PREX2: variants seen among roughly 807,000 people sequenced by gnomAD.
The protein encoded by PREX2 is phosphatidylinositol-3,4,5-trisphosphate dependent Rac exchange factor 2.
Under a neutral mutation model 203.2 loss-of-function variants are expected in PREX2, and 107 were observed. The observed-to-expected ratio is 0.53, with a 90% CI of 0.45 to 0.62. The LOEUF is 0.62. PREX2 is among the 20% of genes least tolerant of loss of function. The pLI, the probability that PREX2 is intolerant of heterozygous loss-of-function variation, is 0.00. For synonymous variants in PREX2, 672 were observed against 663.6 expected (o/e 1.01, Z -0.19); for missense variants, 1,777 against 1,955.9 (o/e 0.91, Z 1.72).
Position 68,069,899 on chromosome 8 carries a change from T to C in PREX2, c.1493+15T>C. The C allele has an allele frequency of 6.8e-7, 1 of 1,475,584 alleles. No individual in the cohort carries two copies. Among genetic ancestry groups the C allele is most frequent in the East Asian group, 2.3e-5 (1 of 43,042 alleles). 91.4% of individuals were successfully genotyped at this position (1,475,584 alleles called of 1,614,324 possible). ...CCAGTGATAAGGTGAGTCTGGTTTT[T>C]AAGTTCTGGGAAACTTAAATGGAAA... is the stretch of plus-strand genomic sequence containing the variant. On this transcript the variant is annotated intron_variant, in intron 13 of 39. Coordinates refer to ENST00000288368, the MANE Select transcript of PREX2 (RefSeq NM_024870.4).
intron 4 of PREX2, among the ~76,000 whole-genome samples, chr8:68,023,185 A>G (rs7001222): frequency 0.16 from 24,479 of 152,136 alleles, 2,415 homozygotes; most frequent in African/African-American, 0.26. Context: ...ATAAGCTCAT[A>G]TTTAACTAAT....
chr8:68,125,991 G>T (rs1810878379), intron 30 of PREX2, among the ~76,000 whole-genome samples: 1 of 152,000 alleles, frequency 6.6e-6, no homozygotes, highest in Non-Finnish European at 1.5e-5. Context: ...GAGTCTTGCG[G>T]TGATTTTCTA....
intron 8 of PREX2, among the ~76,000 whole-genome samples, chr8:68,047,480 T>TATATATATATATATATATATACAC (rs1563516882): frequency 3.2e-5 from 2 of 62,740 alleles, no homozygotes; most frequent in Non-Finnish European, 5.9e-5. Flanking sequence ...TATATATATA[T>TATATATATATATATATATATACAC]ATATATATAT....
At chr8:68,203,317 T>A (rs1812545199) in intron 37 of PREX2, among the ~76,000 whole-genome samples, 1 of 152,148 alleles carries the variant, frequency 6.6e-6, no homozygotes, top group Non-Finnish European at 1.5e-5. Flanking sequence ...GGAGGGCTGC[T>A]ACAGGAAGAA....
At chr8:68,207,823 C>T (rs764543633) in intron 37 of PREX2, among the ~76,000 whole-genome samples, 1 of 152,004 alleles carries the variant, frequency 6.6e-6, no homozygotes, top group Non-Finnish European at 1.5e-5. Context: ...TGCCCATGTT[C>T]TTAATCCCTA....
chr8:68,019,737 A>C lies in PREX2; in HGVS notation c.336+66A>C, dbSNP rs537534798. ...TAGATTTTGAGATTTAGCTCTTGGC[A>C]TAGTGGTATGTGTGAATTCAGTATT... On this transcript the variant is annotated intron_variant, in intron 3 of 39. Transcript: ENST00000288368. 8 of 1,463,268 alleles carry C rather than the reference A, an allele frequency of 5.5e-6. 1 individual carries two copies. The highest frequency in any genetic ancestry group is 2.6e-5 in the South Asian group (2 of 78,292). 90.6% of individuals were successfully genotyped at this position (1,463,268 alleles called of 1,614,324 possible).
intron 15 of PREX2, 91 bp from the exon 16 acceptor site, chr8:68,080,352 T>C (rs1186821030): frequency 1.8e-6 from 2 of 1,111,452 alleles, no homozygotes; most frequent in African/African-American, 1.6e-5. Context: ...AGGTTATGGG[T>C]GCAGGTATTA....
intron 23 of PREX2, chr8:68,100,136 C>T (rs762616107): frequency 1.8e-6 from 1 of 540,958 alleles, no homozygotes; most frequent in Non-Finnish European, 3.6e-6. Context: ...TGAGTGCAGA[C>T]CACCTAATTC....
At chr8:68,121,195 G>A in intron 30 of PREX2, 146 bp downstream of exon 30, 1 of 793,072 alleles carries the variant, frequency 1.3e-6, no homozygotes, top group South Asian at 1.6e-5. Flanking sequence ...TGGTGAGGGA[G>A]GAAGAGGGCA....
chr8:68,215,841 A>G (rs7827892), intron 37 of PREX2, among the ~76,000 whole-genome samples: 25,245 of 152,002 alleles, frequency 0.17, 2,203 homozygotes, highest in Non-Finnish European at 0.2. Flanking sequence ...CCGGCTGAAA[A>G]CTGATTTTTT....
At chr8:68,089,369 C>T (rs79454964) in intron 19 of PREX2, among the ~76,000 whole-genome samples, 1,771 of 152,242 alleles carry the variant, frequency 0.012, 32 homozygotes, top group African/African-American at 0.041. Context: ...CTTGTTCCTA[C>T]GTTACAGACA....
chr8:68,133,910 G>A, intron 31 of PREX2, 149 bp from the exon 32 acceptor site: 1 of 614,002 alleles, frequency 1.6e-6, no homozygotes, highest in South Asian at 2.1e-5. Flanking sequence ...TAGAATGTGT[G>A]TGGTCATTTA....
chr8:68,192,920 C>T (rs1285249115), intron 37 of PREX2, among the ~76,000 whole-genome samples: 1 of 152,192 alleles, frequency 6.6e-6, no homozygotes, highest in East Asian at 1.9e-4. Flanking sequence ...TCCTTACAAC[C>T]CAAGTGTTGT....
At chr8:68,142,052 T>C (rs1811241507) in intron 33 of PREX2, among the ~76,000 whole-genome samples, 1 of 152,130 alleles carries the variant, frequency 6.6e-6, no homozygotes, top group Non-Finnish European at 1.5e-5. Flanking sequence ...TCCCTACACA[T>C]GTACAGCCTC....
At chr8:68,091,056 G>T (rs561411898) in intron 20 of PREX2, among the ~76,000 whole-genome samples, 3 of 152,210 alleles carry the variant, frequency 2.0e-5, no homozygotes, top group Admixed American at 2.0e-4. Context: ...AATGATCATT[G>T]TGTCTGTGTC....
At chr8:68,227,481 A>G (rs771025380) in intron 39 of PREX2, among the ~76,000 whole-genome samples, 20 of 152,110 alleles carry the variant, frequency 1.3e-4, no homozygotes, top group Non-Finnish European at 2.9e-4. Context: ...CCTGGAGAGG[A>G]CATTGTGGAC....
intron 38 of PREX2, 121 bp downstream of exon 38, chr8:68,217,839 A>C (rs1408006186): frequency 5.2e-6 from 3 of 577,698 alleles, no homozygotes; most frequent in Non-Finnish European, 8.2e-6. Flanking sequence ...CTAGGCTCAG[A>C]GGTAACTCAT....
intron 34 of PREX2, among the ~76,000 whole-genome samples, chr8:68,151,016 T>G (rs1811422983): frequency 6.6e-6 from 1 of 152,184 alleles, no homozygotes; most frequent in African/African-American, 2.4e-5. Flanking sequence ...TCTGTGTTTC[T>G]ACATACAAAT....
chr8:68,007,341 TAAAA>T (rs1308601148), intron 1 of PREX2, among the ~76,000 whole-genome samples: 1 of 152,160 alleles, frequency 6.6e-6, no homozygotes, highest in Non-Finnish European at 1.5e-5. Context: ...AAATTATAAA[TAAAA>T]AGTCATGAAT....
Sources: allele counts gnomAD v4.1 joint callset (sites outside exome capture counted in the v4.1 genomes callset), GRCh38; gene constraint gnomAD v4.1.1; transcripts MANE v1.5; gene names NCBI Gene and HGNC (gene_info 2026-07-23, HGNC 2026-07-21).